SDK1: variants seen among roughly 807,000 people sequenced by gnomAD.
SDK1 encodes the protein protein sidekick-1.
SDK1 carries 157 observed loss-of-function variants against 245.5 expected under a neutral mutation model. The ratio of observed to expected loss-of-function variants is 0.64; its 90% confidence interval spans 0.56 to 0.73. SDK1 has a LOEUF of 0.73. SDK1 is among the 30% of genes least tolerant of loss of function. The pLI is 0.00. For synonymous variants in SDK1, 1,647 were observed against 1,278.5 expected (o/e 1.29, Z -6.15); for missense variants, 3,583 against 3,002.3 (o/e 1.19, Z -4.52).
intron 20 of SDK1, among the ~76,000 whole-genome samples, chr7:4,069,194 G>C (rs1050762884): frequency 6.6e-6 from 1 of 152,162 alleles, no homozygotes; most frequent in Non-Finnish European, 1.5e-5. Flanking sequence ...GCAGACCTCT[G>C]GGATCCTCAG....
At position 4,126,309 on chromosome 7, in the gene SDK1, T is replaced by A. The variant is rs146541894; in HGVS notation, c.3824-1072T>A. Among the ~76,000 whole-genome samples, 1,417 of 152,352 alleles carry A rather than the reference T, an allele frequency of 9.3e-3. 22 individuals carry two copies. The highest frequency in any genetic ancestry group is 0.032 in the African/African-American group (1,341 of 41,574). On this transcript the variant is annotated intron_variant, in intron 25 of 44. Coordinates refer to ENST00000404826, the MANE Select transcript of SDK1 (RefSeq NM_152744.4). ...GAGATTGTCTAGAATATAATACCCT[T>A]GTTTTTAAAGTTTCACTGCTTTTAT...
intron 3 of SDK1, among the ~76,000 whole-genome samples, chr7:3,640,125 T>C (rs1202235): frequency 0.3 from 45,375 of 152,126 alleles, 7,323 homozygotes; most frequent in East Asian, 0.47. Flanking sequence ...CCTTCCAAAG[T>C]GCTGGGATTA....
chr7:3,442,209 C>T (rs2128588804), intron 1 of SDK1, among the ~76,000 whole-genome samples: 1 of 152,292 alleles, frequency 6.6e-6, no homozygotes, highest in South Asian at 2.1e-4. Flanking sequence ...GATCAGGGTG[C>T]CATATGTACT....
At chr7:3,684,675 T>A (rs776068772) in intron 4 of SDK1, among the ~76,000 whole-genome samples, 2 of 152,112 alleles carry the variant, frequency 1.3e-5, no homozygotes, top group African/African-American at 2.4e-5. Flanking sequence ...GAGATGAATG[T>A]GATGTTGGAA....
At chr7:3,664,773 A>T (rs2002670) in intron 4 of SDK1, among the ~76,000 whole-genome samples, 1 of 151,372 alleles carries the variant, frequency 6.6e-6, no homozygotes, top group African/African-American at 2.4e-5. Flanking sequence ...AACTAGCAAT[A>T]GTCTGATAGA....
rs185038812 is a variant in SDK1, at chr7:3,735,481, G to A, written c.714-85969G>A. ...TAATGTCTCCAAGGTTCACACATGT[G>A]GTAGCGTGTGTCAGAACTTCCCATT... On this transcript the variant is annotated intron_variant, in intron 4 of 44. Transcript: ENST00000404826. 3.5e-3 allele frequency among the ~76,000 whole-genome samples: 531 copies of A among 152,304 alleles called. 4 individuals carry two copies. Among genetic ancestry groups the A allele is most frequent in the South Asian group, 0.017 (80 of 4,828 alleles).
At chr7:3,945,224 A>T (rs1352646732) in intron 5 of SDK1, among the ~76,000 whole-genome samples, 1 of 152,212 alleles carries the variant, frequency 6.6e-6, no homozygotes, top group Non-Finnish European at 1.5e-5. Context: ...ATAGATAATG[A>T]ACAGCCCCAG....
chr7:3,654,265 C>A (rs1428513076), intron 4 of SDK1, among the ~76,000 whole-genome samples: 1 of 152,162 alleles, frequency 6.6e-6, no homozygotes, highest in Non-Finnish European at 1.5e-5. Context: ...CAGCGGGAGT[C>A]CCCTTGTCTG....
intron 4 of SDK1, among the ~76,000 whole-genome samples, chr7:3,683,108 G>A (rs1784161353): frequency 1.3e-5 from 2 of 152,144 alleles, no homozygotes; most frequent in Non-Finnish European, 2.9e-5. Context: ...AGGCATTTAC[G>A]CTGAGTGGAT....
chr7:3,439,688 G>C (rs1473432802), intron 1 of SDK1, among the ~76,000 whole-genome samples: 2 of 152,158 alleles, frequency 1.3e-5, no homozygotes, highest in Non-Finnish European at 2.9e-5. Flanking sequence ...TGCACTTTTG[G>C]ATAAGATACA....
At chr7:3,808,726 T>G (rs1437007280) in intron 4 of SDK1, among the ~76,000 whole-genome samples, 1 of 152,144 alleles carries the variant, frequency 6.6e-6, no homozygotes, top group East Asian at 1.9e-4. Flanking sequence ...CCTGTACTTG[T>G]TTTCCAGAAC....
At chr7:3,997,792 G>A (rs1784791324) in intron 14 of SDK1, among the ~76,000 whole-genome samples, 1 of 152,128 alleles carries the variant, frequency 6.6e-6, no homozygotes, top group Admixed American at 6.5e-5. Context: ...TCACTGGCCT[G>A]AAGGTGGGGC....
intron 5 of SDK1, among the ~76,000 whole-genome samples, chr7:3,871,058 C>T (rs764421373): frequency 2.5e-4 from 38 of 152,136 alleles, no homozygotes; most frequent in Admixed American, 5.2e-4. Context: ...CTGTTTATTT[C>T]GGTCATCTGA....
At chr7:4,251,960 T>A (rs1261701727) in intron 44 of SDK1, among the ~76,000 whole-genome samples, 1 of 152,276 alleles carries the variant, frequency 6.6e-6, no homozygotes, top group Non-Finnish European at 1.5e-5. Flanking sequence ...TTGTCCTTTG[T>A]TCTATTTATA....
At chr7:3,632,406 A>G (rs1393238599) in intron 2 of SDK1, among the ~76,000 whole-genome samples, 1 of 152,238 alleles carries the variant, frequency 6.6e-6, no homozygotes, top group East Asian at 1.9e-4. Flanking sequence ...GGCTTTCATA[A>G]CTATTAATGA....
At chr7:3,767,586 G>A (rs931797701) in intron 4 of SDK1, among the ~76,000 whole-genome samples, 2 of 151,992 alleles carry the variant, frequency 1.3e-5, no homozygotes, top group Admixed American at 6.6e-5. Context: ...TACTTTACAT[G>A]TGCCAGCTCA....
intron 1 of SDK1, among the ~76,000 whole-genome samples, chr7:3,598,556 A>C (rs1781146174): frequency 6.6e-6 from 1 of 152,210 alleles, no homozygotes; most frequent in Admixed American, 6.5e-5. Context: ...TCAAGACCAG[A>C]ATATTTCTGT....
At chr7:4,134,249 A>G (rs2128200858) in intron 28 of SDK1, among the ~76,000 whole-genome samples, 1 of 152,300 alleles carries the variant, frequency 6.6e-6, no homozygotes, top group African/African-American at 2.4e-5. Context: ...TTTGGCTTTG[A>G]GTACGGCATT....
At chr7:3,334,554 C>G (rs538578139) in intron 1 of SDK1, among the ~76,000 whole-genome samples, 49 of 152,154 alleles carry the variant, frequency 3.2e-4, no homozygotes, top group African/African-American at 9.4e-4. Context: ...GTGAGAGGGC[C>G]AGGTGTGAGG....
Sources: allele counts gnomAD v4.1 joint callset (sites outside exome capture counted in the v4.1 genomes callset), GRCh38; gene constraint gnomAD v4.1.1; transcripts MANE v1.5; gene names NCBI Gene and HGNC (gene_info 2026-07-23, HGNC 2026-07-21).